SMAP2: variants seen among roughly 807,000 people sequenced by gnomAD.
SMAP2 encodes the protein stromal membrane-associated protein 2.
SMAP2 carries 25 observed loss-of-function variants against 56.4 expected under a neutral mutation model. The observed-to-expected ratio is 0.44, with a 90% CI of 0.32 to 0.62. The LOEUF (loss-of-function observed/expected upper bound fraction) is 0.62, where lower values mean the gene tolerates loss of function less well. Ranked by LOEUF, SMAP2 falls within the 20% of genes least tolerant of loss-of-function variation. The pLI is 0.04. For missense variants in SMAP2, 388 were observed against 545.6 expected (o/e 0.71, Z 2.88); for synonymous variants, 157 against 181.7 (o/e 0.86, Z 1.09).
In SMAP2 at chr1:40,422,313, C is replaced by T. The variant is rs1645051404; in HGVS notation, c.*212C>T. On this transcript the variant is annotated 3_prime_UTR_variant, in exon 10 of 10. Coordinates refer to ENST00000372718, the MANE Select transcript of SMAP2 (RefSeq NM_022733.3). Reference sequence around the variant, plus strand: ...TGTTGTACATGCCCCATAGCCATCCCAACGTCCTCCCCAGTCCTCTCCTGG... The same window carrying T: ...TGTTGTACATGCCCCATAGCCATCCTAACGTCCTCCCCAGTCCTCTCCTGG... The T allele has an allele frequency of 1.8e-6, 1 of 565,316 alleles. No individual in the cohort carries two copies. The highest frequency in any genetic ancestry group is 3.1e-6 in the Non-Finnish European group (1 of 327,836). The allele number at this position is 565,316 out of a possible 1,614,324, so 35.0% of individuals were successfully genotyped here.
intron 1 of SMAP2, chr1:40,393,598 TAC>T: frequency 8.2e-7 from 1 of 1,221,964 alleles, no homozygotes; most frequent in Non-Finnish European, 1.1e-6. Flanking sequence ...CAGGCTGGAG[TAC>T]AGTGGCTCAA....
intron 1 of SMAP2, among the ~76,000 whole-genome samples, chr1:40,390,878 G>A (rs758485804): frequency 3.9e-5 from 6 of 152,172 alleles, no homozygotes; most frequent in African/African-American, 7.2e-5. Context: ...ACGTGTATCT[G>A]TTTGTTACAG....
intron 1 of SMAP2, among the ~76,000 whole-genome samples, chr1:40,388,180 C>T (rs1344202351): frequency 3.3e-5 from 5 of 152,232 alleles, no homozygotes; most frequent in South Asian, 2.1e-4. Context: ...CCAACGAGAC[C>T]GCCCCCTGCT....
In SMAP2 at chr1:40,416,210, G is replaced by T. The variant is rs1457095374; in HGVS notation, c.716G>T (p.Gly239Val). 2.5e-6 allele frequency: 4 copies of T among 1,614,080 alleles called. No individual in the cohort carries two copies. Among genetic ancestry groups the T allele is most frequent in the Non-Finnish European group, 3.4e-6 (4 of 1,180,002 alleles). ...TCCATGCCAACTGCAGGGAGTGCCG[G>T]CTCTGTTCCTGAAAATCTGAACCTG... ...VGSMPTAGSA[G>V]SVPENLNLFP... The change falls in exon 8 of 10, where the codon GGC (glycine) becomes GTC (valine). Residue 239 changes from glycine (G) to valine (V), a missense_variant. By Grantham distance (109) the Gly-to-Val change is moderately radical (BLOSUM62 -3). Transcript: ENST00000372718.
chr1:40,347,647 C>T (rs904139944), intron 1 of SMAP2, among the ~76,000 whole-genome samples: 3 of 152,160 alleles, frequency 2.0e-5, no homozygotes, highest in Non-Finnish European at 4.4e-5. Context: ...GGATTACAGG[C>T]ATGAGCCACT....
At chr1:40,399,796 G>C (rs184526934) in intron 1 of SMAP2, among the ~76,000 whole-genome samples, 307 of 152,100 alleles carry the variant, frequency 2.0e-3, no homozygotes, top group African/African-American at 7.1e-3. Flanking sequence ...TTATCTTTTA[G>C]AGATATATGC....
intron 6 of SMAP2, among the ~76,000 whole-genome samples, chr1:40,414,556 A>G (rs1644969239): frequency 6.6e-6 from 1 of 152,208 alleles, no homozygotes; most frequent in Admixed American, 6.5e-5. Flanking sequence ...TAATCCGTGC[A>G]GTGAGAATGA....
At chr1:40,365,420 G>T (rs918277837) in intron 2 of SMAP2, among the ~76,000 whole-genome samples, 3 of 152,188 alleles carry the variant, frequency 2.0e-5, no homozygotes, top group Non-Finnish European at 2.9e-5. Context: ...TGTGGTATCA[G>T]GATTCTTCAA....
At chr1:40,400,088 T>C (rs1380273769) in intron 1 of SMAP2, among the ~76,000 whole-genome samples, 1 of 152,074 alleles carries the variant, frequency 6.6e-6, no homozygotes, top group Admixed American at 6.5e-5. Flanking sequence ...GAGACCCTTG[T>C]GATGTATAGG....
At chr1:40,391,648 G>T (rs570066747) in intron 1 of SMAP2, among the ~76,000 whole-genome samples, 17 of 152,192 alleles carry the variant, frequency 1.1e-4, no homozygotes, top group Non-Finnish European at 2.4e-4. Context: ...AAGTGGTGGG[G>T]TGAGGAATCT....
At chr1:40,398,623 T>G (rs1644797361) in intron 1 of SMAP2, among the ~76,000 whole-genome samples, 1 of 152,224 alleles carries the variant, frequency 6.6e-6, no homozygotes. Context: ...GTACTTGACC[T>G]GTTTTTTCCC....
chr1:40,361,102 A>G (rs1403746797), intron 1 of SMAP2, among the ~76,000 whole-genome samples: 3 of 152,204 alleles, frequency 2.0e-5, no homozygotes, highest in African/African-American at 7.2e-5. Flanking sequence ...TTCTTCCACA[A>G]GAGAGGAGAG....
chr1:40,374,843 C>T lies in SMAP2; in HGVS notation c.103+620C>T. ...TGGGAAACTGCCTTATGCAGTGACA[C>T]AGTGCGGATTTCTAGGCAGTGTAGC... On this transcript the variant is annotated intron_variant, in intron 1 of 9. Coordinates refer to ENST00000372718, the MANE Select transcript of SMAP2 (RefSeq NM_022733.3). The surrounding 1 kb of genome is among the most constrained non-coding windows in gnomAD (Gnocchi z 5.9). The T allele has an allele frequency of 6.5e-7, 1 of 1,537,656 alleles. No homozygotes were observed. Among genetic ancestry groups the T allele is most frequent in the Non-Finnish European group, 8.8e-7 (1 of 1,139,826 alleles).
intron 1 of SMAP2, among the ~76,000 whole-genome samples, chr1:40,388,012 G>C (rs1461013734): frequency 6.6e-6 from 1 of 152,208 alleles, no homozygotes; most frequent in East Asian, 1.9e-4. Context: ...GGCTGCAGAG[G>C]GTGTGCTGGG....
intron 1 of SMAP2, chr1:40,375,931 CA>C (rs1390089532): frequency 4.6e-6 from 1 of 217,804 alleles, no homozygotes; most frequent in Non-Finnish European, 7.8e-6. Flanking sequence ...TCCAAATTTC[CA>C]TTGCTTTTTA....
chr1:40,422,985 T>G lies in SMAP2; in HGVS notation c.*884T>G, dbSNP rs1645058568. 6.5e-6 allele frequency: 1 copy of G among 152,694 alleles called. No homozygotes were observed. Among genetic ancestry groups the G allele is most frequent in the Non-Finnish European group, 1.5e-5 (1 of 68,088 alleles). The allele number at this position is 152,694 out of a possible 1,614,324, so 9.5% of individuals were successfully genotyped here. A position where few individuals can be genotyped will look rare whatever the true frequency, so the allele number is the denominator to read the frequency against. Reference sequence around the variant, plus strand: ...TTTTGTTTTTGTTTAGTTTTAGGTTTACAACAGAGAGGAATTAATTTATCA... The same window carrying G: ...TTTTGTTTTTGTTTAGTTTTAGGTTGACAACAGAGAGGAATTAATTTATCA... On this transcript the variant is annotated 3_prime_UTR_variant, in exon 10 of 10. Transcript: ENST00000372718.
chr1:40,412,938 CG>C, intron 4 of SMAP2, 77 bp from the exon 5 acceptor site: 1 of 1,120,222 alleles, frequency 8.9e-7, no homozygotes, highest in East Asian at 2.4e-5. Context: ...GTGTCCTTTT[CG>C]GACACTTGGA....
At chr1:40,409,718 A>C in intron 3 of SMAP2, 39 bp from the exon 4 acceptor site, 1 of 1,334,550 alleles carries the variant, frequency 7.5e-7, no homozygotes, top group South Asian at 1.2e-5. Flanking sequence ...TTGCTGTTTG[A>C]GAGGCTTGTT....
chr1:40,420,323 T>C (rs1419338508), intron 9 of SMAP2, among the ~76,000 whole-genome samples: 1 of 152,254 alleles, frequency 6.6e-6, no homozygotes, highest in African/African-American at 2.4e-5. Flanking sequence ...GATGGGAATA[T>C]GTCAGAGGGA....
Sources: allele counts gnomAD v4.1 joint callset (sites outside exome capture counted in the v4.1 genomes callset), GRCh38; gene constraint gnomAD v4.1.1; non-coding constraint Gnocchi (gnomAD v3.1); transcripts MANE v1.5; gene names NCBI Gene and HGNC (gene_info 2026-07-23, HGNC 2026-07-21).